Variants in LNPEP observed in about 807,000 individuals in gnomAD.
LNPEP encodes leucyl-cystinyl aminopeptidase.
In LNPEP, 64 loss-of-function variants were observed where a neutral mutation model predicts 120.6. The observed-to-expected ratio is 0.53, with a 90% CI of 0.43 to 0.65. The LOEUF is 0.65. Ranked by LOEUF, LNPEP falls within the 30% of genes least tolerant of loss-of-function variation. The probability of loss-of-function intolerance (pLI) is 0.00; values close to 1 mark genes in which losing one functional copy is unlikely to be tolerated. For missense variants in LNPEP, 1,057 were observed against 1,200.0 expected, an observed-to-expected ratio of 0.88 and a Z score of 1.76; for synonymous variants, 435 against 425.4, an observed-to-expected ratio of 1.02 and a Z score of -0.28.
chr5:96,980,645 G>C (rs544724167), intron 2 of LNPEP, among the ~76,000 whole-genome samples: 1 of 152,236 alleles, frequency 6.6e-6, no homozygotes, highest in African/African-American at 2.4e-5. Context: ...TGGGAAGATG[G>C]AGTTCACACA....
chr5:96,960,747 TAC>T (rs1454109894), intron 1 of LNPEP, among the ~76,000 whole-genome samples: 1 of 152,236 alleles, frequency 6.6e-6, no homozygotes, highest in African/African-American at 2.4e-5. Flanking sequence ...TTAGAAATTA[TAC>T]AGTCTCTCAT....
At chr5:96,986,026 A>G (rs1287040120) in intron 3 of LNPEP, among the ~76,000 whole-genome samples, 1 of 152,152 alleles carries the variant, frequency 6.6e-6, no homozygotes, top group African/African-American at 2.4e-5. Flanking sequence ...GGTTGCCTAC[A>G]TTCCCTCATT....
At chr5:96,991,674 ATTTG>A (rs1205190670) in intron 4 of LNPEP, among the ~76,000 whole-genome samples, 2 of 151,444 alleles carry the variant, frequency 1.3e-5, no homozygotes, top group Non-Finnish European at 2.9e-5. Context: ...TTTCTTGCTG[ATTTG>A]TTTGAGTTCC....
intron 4 of LNPEP, among the ~76,000 whole-genome samples, chr5:96,991,434 G>T (rs38038): frequency 6.6e-6 from 1 of 151,934 alleles, no homozygotes; most frequent in East Asian, 1.9e-4. Flanking sequence ...CAGTGTAAAG[G>T]TGTTCCTTTT....
intron 1 of LNPEP, chr5:96,937,415 A>G (rs1207303644): frequency 6.6e-6 from 1 of 152,080 alleles, no homozygotes; most frequent in Non-Finnish European, 1.5e-5. Context: ...TTAATTCTGA[A>G]TTTTCTTTCT....
intron 17 of LNPEP, among the ~76,000 whole-genome samples, chr5:97,028,156 C>T (rs573518970): frequency 4.0e-4 from 61 of 152,244 alleles, no homozygotes; most frequent in African/African-American, 1.4e-3. Flanking sequence ...CTCCTTGGTT[C>T]CATTTTAAGT....
chr5:96,959,427 T>C (rs1238834935), intron 1 of LNPEP, among the ~76,000 whole-genome samples: 1 of 152,192 alleles, frequency 6.6e-6, no homozygotes, highest in African/African-American at 2.4e-5. Context: ...GTTGTAGTCT[T>C]TTGTGGGTAG....
intron 11 of LNPEP, 135 bp downstream of exon 11, chr5:97,006,650 C>T: frequency 1.6e-6 from 1 of 623,366 alleles, no homozygotes; most frequent in South Asian, 2.0e-5. Flanking sequence ...CAAGATGTGA[C>T]TAATGTGAGA....
chr5:96,964,482 T>C (rs1308834249), intron 1 of LNPEP, among the ~76,000 whole-genome samples: 1 of 152,136 alleles, frequency 6.6e-6, no homozygotes, highest in Non-Finnish European at 1.5e-5. Context: ...CTTTTCTCTC[T>C]TTATATTTTG....
In LNPEP at chr5:97,036,169, G is replaced by T. The variant is rs1791569059; in HGVS notation, c.*7636G>T. The T allele has an allele frequency of 6.6e-6, 1 of 152,074 alleles. No homozygotes were observed. The highest frequency in any genetic ancestry group is 1.5e-5 in the Non-Finnish European group (1 of 68,010). The allele number at this position is 152,074 out of a possible 1,614,324, so 9.4% of individuals were successfully genotyped here. On this transcript the variant is annotated 3_prime_UTR_variant, in exon 18 of 18. Transcript: ENST00000231368. ...ATAGCTTGTGTACCTGGTAGAAATTGTGTCTTGGAATGACCCTTTCGAGTT... is the reference window on the plus strand; with the variant it reads ...ATAGCTTGTGTACCTGGTAGAAATTTTGTCTTGGAATGACCCTTTCGAGTT...
chr5:96,953,642 A>T (rs1227415465), intron 1 of LNPEP, among the ~76,000 whole-genome samples: 2 of 152,240 alleles, frequency 1.3e-5, no homozygotes. Context: ...CCATATATAA[A>T]AATGTGTGGT....
chr5:97,016,390 C>T, intron 13 of LNPEP, among the ~76,000 whole-genome samples: 1 of 152,102 alleles, frequency 6.6e-6, no homozygotes, highest in East Asian at 1.9e-4. Context: ...TGTAGATTAC[C>T]TCATTTAATT....
At chr5:96,983,059 C>A (rs979488623) in intron 2 of LNPEP, among the ~76,000 whole-genome samples, 10 of 150,398 alleles carry the variant, frequency 6.6e-5, no homozygotes, top group Non-Finnish European at 1.2e-4. Context: ...CCTAATTTAA[C>A]TATTAAGGAC....
intron 9 of LNPEP, among the ~76,000 whole-genome samples, chr5:97,005,153 G>T (rs1375332344): frequency 1.3e-5 from 2 of 152,154 alleles, no homozygotes; most frequent in Admixed American, 1.3e-4. Context: ...GGGAAGATTT[G>T]CTCCATCCTT....
At chr5:96,984,544 T>C (rs1790197869) in intron 2 of LNPEP, among the ~76,000 whole-genome samples, 1 of 152,192 alleles carries the variant, frequency 6.6e-6, no homozygotes, top group Admixed American at 6.5e-5. Context: ...TAATCCTAAA[T>C]GGGTCCTGTT....
At chr5:96,991,600 T>C (rs1340912991) in intron 4 of LNPEP, among the ~76,000 whole-genome samples, 3 of 152,226 alleles carry the variant, frequency 2.0e-5, no homozygotes, top group Non-Finnish European at 2.9e-5. Flanking sequence ...TGTCTATTTA[T>C]ATATCTTCTT....
At chr5:96,987,563 GA>G (rs920496578) in intron 4 of LNPEP, among the ~76,000 whole-genome samples, 2 of 152,080 alleles carry the variant, frequency 1.3e-5, no homozygotes, top group Non-Finnish European at 2.9e-5. Context: ...TTTCCTATTA[GA>G]AAAGACTATC....
chr5:97,026,481 C>A, intron 15 of LNPEP, 136 bp from the exon 16 acceptor site: 1 of 634,026 alleles, frequency 1.6e-6, no homozygotes, highest in Admixed American at 3.0e-5. Context: ...ATAGATCAAC[C>A]GTAGACTAAT....
chr5:97,010,602 T>G, intron 11 of LNPEP: 1 of 985,342 alleles, frequency 1.0e-6, no homozygotes, highest in Non-Finnish European at 1.2e-6. Flanking sequence ...CTTTAGTTTT[T>G]TTGTAAAACA....
Sources: gnomAD v4.1 joint callset for allele counts (sites outside exome capture counted in the v4.1 genomes callset) on GRCh38, gnomAD v4.1.1 for gene constraint, MANE v1.5 for transcripts, NCBI Gene and HGNC (gene_info 2026-07-23, HGNC 2026-07-21) for gene names.